The following BCAT1 variants were observed in gnomAD, a reference collection of about 807,000 sequenced individuals.
BCAT1 encodes branched-chain-amino-acid aminotransferase, cytosolic.
In BCAT1, 48 loss-of-function variants were observed where a neutral mutation model predicts 52.4. That is an observed-to-expected ratio of 0.92 (90% confidence interval 0.73 to 1.16). The LOEUF (loss-of-function observed/expected upper bound fraction) is 1.16, where lower values mean the gene tolerates loss of function less well. Ranked by LOEUF, BCAT1 falls within the 50% of genes most tolerant of loss-of-function variation. BCAT1 has a pLI of 0.00. For synonymous variants in BCAT1, 167 were observed against 161.3 expected (o/e 1.04, Z -0.27); for missense variants, 451 against 457.1 (o/e 0.99, Z 0.12).
At chr12:24,942,422 T>C (rs560758966) in intron 1 of BCAT1, among the ~76,000 whole-genome samples, 13 of 152,056 alleles carry the variant, frequency 8.5e-5, no homozygotes, top group Non-Finnish European at 1.0e-4. Context: ...TGGGTGTCTG[T>C]AATCCCAGCT....
chr12:24,856,329 A>G (rs753529386), intron 5 of BCAT1, among the ~76,000 whole-genome samples: 1 of 152,014 alleles, frequency 6.6e-6, no homozygotes, highest in Non-Finnish European at 1.5e-5. Context: ...CATATGCTCT[A>G]CTGCACTACT....
chr12:24,818,440 T>C (rs1848556907), intron 10 of BCAT1, among the ~76,000 whole-genome samples: 1 of 152,168 alleles, frequency 6.6e-6, no homozygotes, highest in Non-Finnish European at 1.5e-5. Context: ...AAAGTGATCC[T>C]CAAAGTGTAT....
intron 1 of BCAT1, among the ~76,000 whole-genome samples, chr12:24,925,932 G>A (rs975369814): frequency 6.6e-6 from 1 of 152,194 alleles, no homozygotes; most frequent in Non-Finnish European, 1.5e-5. Context: ...CGTGATCTCG[G>A]CTCGCTACAA....
At chr12:24,822,261 T>C (rs761111974) in intron 10 of BCAT1, among the ~76,000 whole-genome samples, 1 of 152,232 alleles carries the variant, frequency 6.6e-6, no homozygotes, top group Non-Finnish European at 1.5e-5. Flanking sequence ...GGGAGTTATG[T>C]GGACAATTAG....
intron 2 of BCAT1, among the ~76,000 whole-genome samples, chr12:24,895,991 A>C (rs947646665): frequency 6.6e-6 from 1 of 152,142 alleles, no homozygotes; most frequent in Non-Finnish European, 1.5e-5. Flanking sequence ...TTCAATAAAA[A>C]ATTGACTTTG....
chr12:24,847,978 T>G (rs956691129), intron 6 of BCAT1, among the ~76,000 whole-genome samples: 1 of 152,218 alleles, frequency 6.6e-6, no homozygotes, highest in African/African-American at 2.4e-5. Context: ...TTTGTTCCCC[T>G]TGTACCTCTC....
chr12:24,937,626 C>A (rs932759633), intron 1 of BCAT1, among the ~76,000 whole-genome samples: 1 of 152,154 alleles, frequency 6.6e-6, no homozygotes, highest in South Asian at 2.1e-4. Context: ...ATCCTCCCAC[C>A]TCAGCCTCCC....
At chr12:24,929,466 C>T (rs1943646576) in intron 1 of BCAT1, among the ~76,000 whole-genome samples, 5 of 152,180 alleles carry the variant, frequency 3.3e-5, no homozygotes, top group African/African-American at 1.2e-4. Flanking sequence ...TTCTGAGACA[C>T]TGTAGACACA....
chr12:24,857,511 T>C (rs1941725074), intron 5 of BCAT1, among the ~76,000 whole-genome samples: 1 of 152,230 alleles, frequency 6.6e-6, no homozygotes, highest in East Asian at 1.9e-4. Flanking sequence ...GCAGGTTTTA[T>C]ATTGATTTTT....
At chr12:24,842,667 A>C (rs1941209981) in intron 6 of BCAT1, among the ~76,000 whole-genome samples, 1 of 152,206 alleles carries the variant, frequency 6.6e-6, no homozygotes, top group African/African-American at 2.4e-5. Flanking sequence ...GTCAAGTTGC[A>C]ATAGAAGAGC....
chr12:24,927,479 A>G (rs1943608764), intron 1 of BCAT1, among the ~76,000 whole-genome samples: 1 of 152,244 alleles, frequency 6.6e-6, no homozygotes, highest in Non-Finnish European at 1.5e-5. Flanking sequence ...GACTGAACAC[A>G]TGAATCTTTC....
chr12:24,853,520 T>G (rs1186751487), intron 5 of BCAT1, among the ~76,000 whole-genome samples: 1 of 152,096 alleles, frequency 6.6e-6, no homozygotes, highest in African/African-American at 2.4e-5. Context: ...GGCAATGAGA[T>G]CCTTAGAAGC....
chr12:24,844,144 C>T (rs575068499), intron 6 of BCAT1, among the ~76,000 whole-genome samples: 1 of 152,264 alleles, frequency 6.6e-6, no homozygotes, highest in South Asian at 2.1e-4. Flanking sequence ...AGATCATTTC[C>T]AGGCCGGGCA....
rs577575682 is a variant in BCAT1, at chr12:24,863,051, C to A, written c.511-13102G>T. Among the ~76,000 whole-genome samples the A allele has an allele frequency of 1.7e-3, 256 of 152,004 alleles. 1 individual carries two copies. The highest frequency in any genetic ancestry group is 5.8e-3 in the African/African-American group (241 of 41,442). ...TCCAGGTTTATTTGCCAGCCCTGTT[C>A]AAAGAAAAAAGATGGTATAAATTTA... On this transcript the variant is annotated intron_variant, in intron 5 of 10. Coordinates refer to ENST00000261192, the MANE Select transcript of BCAT1 (RefSeq NM_005504.7).
intron 9 of BCAT1, among the ~76,000 whole-genome samples, chr12:24,832,115 G>A (rs10466800): frequency 0.86 from 131,600 of 152,216 alleles, 56,916 homozygotes; most frequent in Admixed American, 0.89. Context: ...CTAATCCAGT[G>A]GTTTGGAAGT....
intron 7 of BCAT1, among the ~76,000 whole-genome samples, chr12:24,836,852 G>C (rs1940956419): frequency 7.8e-6 from 1 of 127,808 alleles, no homozygotes; most frequent in East Asian, 2.2e-4. Context: ...GAGAGAGAAA[G>C]AAAGGAAGGA....
chr12:24,901,159 C>T (rs1489364121), intron 2 of BCAT1, among the ~76,000 whole-genome samples: 1 of 152,094 alleles, frequency 6.6e-6, no homozygotes, highest in Admixed American at 6.5e-5. Context: ...CTCTCTGAAC[C>T]GCCAGGATGT....
At chr12:24,915,390 A>T (rs946293609) in intron 1 of BCAT1, among the ~76,000 whole-genome samples, 1 of 152,224 alleles carries the variant, frequency 6.6e-6, no homozygotes, top group Admixed American at 6.5e-5. Context: ...ACACAGATTA[A>T]AAAGGTTATT....
chr12:24,896,203 A>G (rs1942956911), intron 2 of BCAT1, among the ~76,000 whole-genome samples: 1 of 152,200 alleles, frequency 6.6e-6, no homozygotes, highest in South Asian at 2.1e-4. Flanking sequence ...AAGACTTTTT[A>G]CTAAGTATAA....
Sources: gnomAD v4.1 joint callset for allele counts (sites outside exome capture counted in the v4.1 genomes callset) on GRCh38, gnomAD v4.1.1 for gene constraint, MANE v1.5 for transcripts, NCBI Gene and HGNC (gene_info 2026-07-23, HGNC 2026-07-21) for gene names.